The following VEPH1 variants were observed in gnomAD, a reference collection of about 807,000 sequenced individuals.
The protein encoded by VEPH1 is ventricular zone expressed PH domain containing 1.
A neutral mutation model predicts 85.2 loss-of-function variants in VEPH1; 80 were observed. That is an observed-to-expected ratio of 0.94 (90% confidence interval 0.78 to 1.13). VEPH1 has a LOEUF of 1.13. Ranked by LOEUF, VEPH1 falls within the 50% of genes most tolerant of loss-of-function variation. The pLI is 0.00. For missense variants in VEPH1, 955 were observed against 980.5 expected (o/e 0.97, Z 0.35); for synonymous variants, 297 against 348.0 (o/e 0.85, Z 1.63).
chr3:157,364,289 C>T lies in VEPH1; in HGVS notation c.1337+14G>A, dbSNP rs759515846. 3 of 1,447,548 alleles carry T rather than the reference C, an allele frequency of 2.1e-6. No individual in the cohort carries two copies. The highest frequency in any genetic ancestry group is 2.4e-5 in the South Asian group (2 of 82,868). The allele number at this position is 1,447,548 out of a possible 1,614,324, so 89.7% of individuals were successfully genotyped here. A position where few individuals can be genotyped will look rare whatever the true frequency, so the allele number is the denominator to read the frequency against. The stretch of plus-strand genomic sequence containing the variant: ...GAAGTGTATGATTTAAAAAACAAAC[C>T]AAACGAGTTATACCTGTTAAATCTA... On this transcript the variant is annotated intron_variant, in intron 8 of 13. Transcript: ENST00000362010.
intron 6 of VEPH1, chr3:157,413,308 A>T: frequency 4.1e-6 from 1 of 244,344 alleles, no homozygotes; most frequent in Non-Finnish European, 6.6e-6. Flanking sequence ...TTAGCCTAGT[A>T]CTTTTAAACA....
At chr3:157,327,040 G>A (rs2108580887) in intron 9 of VEPH1, among the ~76,000 whole-genome samples, 1 of 152,282 alleles carries the variant, frequency 6.6e-6, no homozygotes, top group African/African-American at 2.4e-5. Flanking sequence ...AGACTGCAGA[G>A]AGAATTGTCC....
At chr3:157,501,927 A>G (rs1267057788) in intron 1 of VEPH1, among the ~76,000 whole-genome samples, 1 of 152,246 alleles carries the variant, frequency 6.6e-6, no homozygotes, top group African/African-American at 2.4e-5. Flanking sequence ...AACTTTCAAT[A>G]AAGTTCTCAG....
chr3:157,417,257 G>A (rs888120489), intron 5 of VEPH1, among the ~76,000 whole-genome samples: 4 of 152,128 alleles, frequency 2.6e-5, no homozygotes, highest in African/African-American at 9.7e-5. Context: ...GGTGTCTTCA[G>A]TGCTTCCTCA....
chr3:157,272,930 C>T (rs1386052887), intron 12 of VEPH1, among the ~76,000 whole-genome samples: 2 of 152,182 alleles, frequency 1.3e-5, no homozygotes, highest in African/African-American at 4.8e-5. Flanking sequence ...TTTGACTAGA[C>T]CAAAGTACGC....
At position 157,381,299 on chromosome 3, in the gene VEPH1, C is replaced by T; in HGVS notation, c.984G>A (p.Leu328=). ...TGTCGGTGATGCTTTTAATCTCCAG[C>T]AGGAGAATATGGTGAAACGAATGCT... ...NMEHSFHHIL[L]LEIKSITDTF... is the part of the protein sequence containing the mutation. The change falls in exon 7 of 14, where the codon CTG becomes CTA. Residue 328 remains leucine, a synonymous_variant. Transcript: ENST00000362010. 1 of 1,614,170 alleles carries T rather than the reference C, an allele frequency of 6.2e-7. No homozygotes were observed.
At chr3:157,394,603 C>G (rs184333412) in intron 6 of VEPH1, among the ~76,000 whole-genome samples, 2 of 152,114 alleles carry the variant, frequency 1.3e-5, no homozygotes, top group Non-Finnish European at 1.5e-5. Flanking sequence ...CTGTGGGAAG[C>G]CTCAGGGAGC....
At chr3:157,263,867 T>C (rs1230404451) in intron 13 of VEPH1, among the ~76,000 whole-genome samples, 3 of 152,236 alleles carry the variant, frequency 2.0e-5, no homozygotes, top group Admixed American at 6.5e-5. Flanking sequence ...TGGCCGAGAA[T>C]GAATTATAAT....
intron 4 of VEPH1, among the ~76,000 whole-genome samples, chr3:157,433,104 TTAATA>T (rs1733293094): frequency 6.6e-6 from 1 of 152,180 alleles, no homozygotes; most frequent in Non-Finnish European, 1.5e-5. Flanking sequence ...TCAGTTCTTA[TTAATA>T]TGTCTTTTGA....
At chr3:157,434,751 T>C (rs2109161129) in intron 4 of VEPH1, among the ~76,000 whole-genome samples, 1 of 152,354 alleles carries the variant, frequency 6.6e-6, no homozygotes, top group Middle Eastern at 3.4e-3. Flanking sequence ...TGTGCTTTTC[T>C]TTCCTCCTTC....
At chr3:157,348,892 GC>G (rs1165509868) in intron 9 of VEPH1, among the ~76,000 whole-genome samples, 1 of 152,170 alleles carries the variant, frequency 6.6e-6, no homozygotes, top group Non-Finnish European at 1.5e-5. Flanking sequence ...GCACCCCCTT[GC>G]AGCCTTCACC....
chr3:157,369,191 A>AAAAAAAAAAAAAAAAAAAAAC (rs1577469463), intron 7 of VEPH1, among the ~76,000 whole-genome samples: 5 of 145,154 alleles, frequency 3.4e-5, no homozygotes, highest in Non-Finnish European at 4.5e-5. Flanking sequence ...AAAAAAAAAA[A>AAAAAAAAAAAAAAAAAAAAAC]AAAAAAAAAA....
chr3:157,268,423 AAAC>A (rs1214447186), intron 12 of VEPH1, among the ~76,000 whole-genome samples: 1 of 152,234 alleles, frequency 6.6e-6, no homozygotes, highest in East Asian at 1.9e-4. Context: ...AAGTTAAAAC[AAAC>A]AACAAAAACA....
intron 5 of VEPH1, 115 bp from the exon 6 acceptor site, chr3:157,414,205 A>G (rs1731730834): frequency 2.8e-6 from 2 of 713,724 alleles, no homozygotes; most frequent in East Asian, 2.7e-5. Context: ...AACTCAACAC[A>G]TTCTGGGATT....
At chr3:157,272,497 A>G (rs1055874580) in intron 12 of VEPH1, among the ~76,000 whole-genome samples, 1 of 128,678 alleles carries the variant, frequency 7.8e-6, no homozygotes, top group Non-Finnish European at 1.6e-5. Flanking sequence ...TCACTCTGTC[A>G]CCCAGGCTGG....
chr3:157,322,005 G>A (rs978096370), intron 9 of VEPH1, among the ~76,000 whole-genome samples: 5 of 151,928 alleles, frequency 3.3e-5, no homozygotes, highest in African/African-American at 9.7e-5. Context: ...ACAATTCGCT[G>A]GCATTAAATA....
intron 12 of VEPH1, among the ~76,000 whole-genome samples, chr3:157,279,518 T>C (rs1715811080): frequency 6.6e-6 from 1 of 151,640 alleles, no homozygotes; most frequent in Non-Finnish European, 1.5e-5. Flanking sequence ...GATAAGGCAG[T>C]AGATGGAGGG....
At chr3:157,386,887 T>C (rs762283693) in intron 6 of VEPH1, among the ~76,000 whole-genome samples, 9 of 152,242 alleles carry the variant, frequency 5.9e-5, no homozygotes, top group Non-Finnish European at 1.0e-4. Context: ...TGGTAAATAA[T>C]GTCTTAGTAT....
intron 2 of VEPH1, among the ~76,000 whole-genome samples, chr3:157,478,060 T>C (rs1455036083): frequency 6.6e-6 from 1 of 152,144 alleles, no homozygotes; most frequent in Non-Finnish European, 1.5e-5. Flanking sequence ...AGGTACTCAT[T>C]CTCTCAGCTG....
Sources: gnomAD v4.1 joint callset for allele counts (sites outside exome capture counted in the v4.1 genomes callset) on GRCh38, gnomAD v4.1.1 for gene constraint, MANE v1.5 for transcripts, NCBI Gene and HGNC (gene_info 2026-07-23, HGNC 2026-07-21) for gene names.